Variants in RBFOX3 observed in about 807,000 individuals in gnomAD.
RBFOX3 encodes the protein RNA binding protein fox-1 homolog 3.
A neutral mutation model predicts 48.7 loss-of-function variants in RBFOX3; 17 were observed. That is an observed-to-expected ratio of 0.35 (90% CI 0.24 to 0.52). The LOEUF (loss-of-function observed/expected upper bound fraction) is 0.52, where lower values mean the gene tolerates loss of function less well. Among genes scored for constraint, RBFOX3 ranks in the 20% least tolerant of loss-of-function variants. The pLI is 0.94. For missense variants in RBFOX3, 382 were observed against 497.5 expected (o/e 0.77, Z 2.21); for synonymous variants, 212 against 209.5 (o/e 1.01, Z -0.10).
chr17:79,189,908 C>A (rs11652708), intron 4 of RBFOX3, among the ~76,000 whole-genome samples: 1 of 152,084 alleles, frequency 6.6e-6, no homozygotes, highest in Non-Finnish European at 1.5e-5. Flanking sequence ...TGGTTGGGCC[C>A]CCACTGCAGA....
chr17:79,336,261 T>A (rs560119175), intron 2 of RBFOX3, among the ~76,000 whole-genome samples: 117 of 151,910 alleles, frequency 7.7e-4, no homozygotes, highest in Non-Finnish European at 1.3e-3. Flanking sequence ...GTGGTATACG[T>A]CTGTACTCCC....
intron 4 of RBFOX3, among the ~76,000 whole-genome samples, chr17:79,131,821 C>G (rs1460802662): frequency 6.6e-6 from 1 of 152,192 alleles, no homozygotes; most frequent in Non-Finnish European, 1.5e-5. Flanking sequence ...TCCTGCCCGG[C>G]CACCTGGCCA....
intron 3 of RBFOX3, among the ~76,000 whole-genome samples, chr17:79,280,660 A>G (rs919266495): frequency 6.6e-6 from 1 of 152,208 alleles, no homozygotes; most frequent in Non-Finnish European, 1.5e-5. Flanking sequence ...GAAAGTCATT[A>G]TGTTTTGGTC....
chr17:79,494,706 A>G (rs2081185874), intron 1 of RBFOX3, among the ~76,000 whole-genome samples: 1 of 152,198 alleles, frequency 6.6e-6, no homozygotes, highest in African/African-American at 2.4e-5. Context: ...AGGAGGCCAG[A>G]GGGCCTGAAC....
chr17:79,302,994 G>A lies in RBFOX3; in HGVS notation c.-74+4730C>T, dbSNP rs11870203. Among the ~76,000 whole-genome samples, 756 of 152,254 alleles carry A rather than the reference G, an allele frequency of 5.0e-3. 4 individuals are homozygous for A. Among genetic ancestry groups the A allele is most frequent in the African/African-American group, 0.017 (714 of 41,558 alleles). The stretch of plus-strand genomic sequence containing the variant: ...TAAGGCCGGAGGATTTCTCGAGCCC[G>A]GGAGTTTGAGGCTGGCTTGGGCAAC... On this transcript the variant is annotated intron_variant, in intron 3 of 14. Coordinates refer to ENST00000693108, the MANE Select transcript of RBFOX3 (RefSeq NM_001350451.2).
chr17:79,246,927 C>T (rs977644688), intron 3 of RBFOX3, among the ~76,000 whole-genome samples: 3 of 152,156 alleles, frequency 2.0e-5, no homozygotes, highest in African/African-American at 7.2e-5. Context: ...GCAGACGGCA[C>T]CACTCAGCAC....
intron 4 of RBFOX3, among the ~76,000 whole-genome samples, chr17:79,174,525 A>T (rs1158413657): frequency 6.6e-6 from 1 of 150,672 alleles, no homozygotes; most frequent in African/African-American, 2.5e-5. Context: ...ACCGACTCAC[A>T]GACACATGCA....
At chr17:79,319,731 AGGCTGCTGGTCTTGTCTGGGCTGCTGG>A (rs2078158426) in intron 2 of RBFOX3, among the ~76,000 whole-genome samples, 8 of 83,362 alleles carry the variant, frequency 9.6e-5, no homozygotes, top group East Asian at 6.2e-4. Context: ...GTTCTTGTCC[AGGCTGCTGGTCTTGTCTGGGCTGCTGG>A]TCCTGTCTGG....
intron 2 of RBFOX3, among the ~76,000 whole-genome samples, chr17:79,379,906 G>A (rs1391539299): frequency 1.3e-5 from 2 of 152,082 alleles, no homozygotes; most frequent in African/African-American, 2.4e-5. Flanking sequence ...GTCTGCATGT[G>A]CGTCCTGCAG....
intron 4 of RBFOX3, among the ~76,000 whole-genome samples, chr17:79,143,481 A>C (rs970149515): frequency 2.0e-5 from 3 of 151,862 alleles, no homozygotes; most frequent in African/African-American, 4.8e-5. Flanking sequence ...CCCACAGCTC[A>C]GAAGCCAACC....
At chr17:79,652,614 A>AAGGAAAGGAAAGGAAAGGAAAGGAG in the RBFOX3 span, among the ~76,000 whole-genome samples, 2 of 36,960 alleles carry the variant, frequency 5.4e-5, no homozygotes, top group Non-Finnish European at 1.0e-4. Context: ...AAGGAAAGGA[A>AAGGAAAGGAAAGGAAAGGAAAGGAG]AGGAAAGGGA....
chr17:79,222,159 T>G (rs56219093), intron 4 of RBFOX3, among the ~76,000 whole-genome samples: 38,778 of 151,480 alleles, frequency 0.26, 6,011 homozygotes, highest in South Asian at 0.41. Flanking sequence ...GCTGCCTGAT[T>G]TCTACCTGCA....
chr17:79,120,859 G>A (rs1294259145), intron 4 of RBFOX3, among the ~76,000 whole-genome samples: 1 of 151,944 alleles, frequency 6.6e-6, no homozygotes, highest in Non-Finnish European at 1.5e-5. Flanking sequence ...CATCACTTGT[G>A]CCTGGCAAAA....
Position 79,582,782 on chromosome 17 carries a change from C to CAAA in RBFOX3, c.-320+28041_-320+28043dup, listed in dbSNP as rs36155299. Among the ~76,000 whole-genome samples the CAAA allele has an allele frequency of 1.5e-3, 69 of 46,864 alleles. 8 individuals carry two copies. The highest frequency in any genetic ancestry group is 4.8e-3 in the Admixed American group (16 of 3,314). The allele number at this position is 46,864 out of a possible 152,430, so 30.7% of individuals were successfully genotyped here. A position where few individuals can be genotyped will look rare whatever the true frequency, so the allele number is the denominator to read the frequency against. ...TGGGAGACAGAGCAAGACCCCGTCT[C>CAAA]AAAAAAAAAAAAAAAAAAAAAAAAA... is the stretch of plus-strand genomic sequence containing the variant. On this transcript the variant is annotated intron_variant, in intron 1 of 14. Coordinates refer to ENST00000693108, the MANE Select transcript of RBFOX3 (RefSeq NM_001350451.2).
Position 79,110,523 on chromosome 17 carries a change from C to T in RBFOX3, c.223-3735G>A, listed in dbSNP as rs114970311. Among the ~76,000 whole-genome samples, 259 of 152,336 alleles carry T rather than the reference C, an allele frequency of 1.7e-3. 1 individual carries two copies. The highest frequency in any genetic ancestry group is 5.8e-3 in the African/African-American group (243 of 41,566). On this transcript the variant is annotated intron_variant, in intron 5 of 14. Transcript: ENST00000693108. ...TGTGCTGCTGTGGCACCACATGAAC[C>T]GGTTTTTGGAAATCCCTTCCTCGAC...
At chr17:79,506,383 G>A (rs1275542517) in intron 1 of RBFOX3, among the ~76,000 whole-genome samples, 1 of 152,204 alleles carries the variant, frequency 6.6e-6, no homozygotes, top group African/African-American at 2.4e-5. Context: ...ACTGCATCAC[G>A]CATGGGGAAA....
At chr17:79,549,021 A>C (rs1468796238) in intron 1 of RBFOX3, among the ~76,000 whole-genome samples, 1 of 152,222 alleles carries the variant, frequency 6.6e-6, no homozygotes, top group Non-Finnish European at 1.5e-5. Context: ...AATTGTGGTC[A>C]CTAGTTTGCA....
intron 2 of RBFOX3, among the ~76,000 whole-genome samples, chr17:79,365,277 A>T (rs562997638): frequency 2.0e-4 from 30 of 152,328 alleles, no homozygotes; most frequent in Admixed American, 2.6e-4. Context: ...ACTCCAGCAG[A>T]AGTGGGAGGG....
intron 3 of RBFOX3, among the ~76,000 whole-genome samples, chr17:79,287,168 C>T (rs1239272169): frequency 1.3e-5 from 2 of 152,204 alleles, no homozygotes; most frequent in Non-Finnish European, 2.9e-5. Flanking sequence ...GGGACAATCG[C>T]TTCTTCACCC....
Sources: allele counts gnomAD v4.1 joint callset (sites outside exome capture counted in the v4.1 genomes callset), GRCh38; gene constraint gnomAD v4.1.1; transcripts MANE v1.5; gene names NCBI Gene and HGNC (gene_info 2026-07-23, HGNC 2026-07-21).